RYR1: variants seen among roughly 807,000 people sequenced by gnomAD.
RYR1 encodes the protein central core disease of muscle.
In RYR1, 342 loss-of-function variants were observed where a neutral mutation model predicts 583.5. The observed-to-expected ratio is 0.59, with a 90% CI of 0.54 to 0.64. The LOEUF is 0.64. RYR1 is among the 30% of genes least tolerant of loss of function. The pLI is 0.00. For synonymous variants in RYR1, 2,791 were observed against 2,822.5 expected (o/e 0.99, Z 0.35); for missense variants, 6,032 against 6,917.2 (o/e 0.87, Z 4.54).
intron 83 of RYR1, chr19:38,536,991 T>C: frequency 6.6e-6 from 4 of 604,402 alleles, no homozygotes; most frequent in Non-Finnish European, 1.2e-5. Flanking sequence ...AACAAGTCTC[T>C]TACCTTCCCT....
At chr19:38,571,656 G>C (rs561753229) in intron 94 of RYR1, among the ~76,000 whole-genome samples, 2 of 152,262 alleles carry the variant, frequency 1.3e-5, no homozygotes, top group African/African-American at 4.8e-5. Context: ...AAAAAAAGAG[G>C]ATGAGTGTGT....
chr19:38,470,497 T>A (rs1968368275), intron 27 of RYR1, among the ~76,000 whole-genome samples: 1 of 150,276 alleles, frequency 6.7e-6, no homozygotes, highest in Non-Finnish European at 1.5e-5. Flanking sequence ...CCCAGCACTT[T>A]GGGAGGCCAA....
chr19:38,548,149 C>T (rs1486583853), intron 88 of RYR1, 84 bp from the exon 89 acceptor site: 1 of 1,479,482 alleles, frequency 6.8e-7, no homozygotes, highest in Non-Finnish European at 9.3e-7. Context: ...AGCGTGGTGG[C>T]TCCTGGGCTG....
chr19:38,552,715 T>C (rs1016376026), intron 89 of RYR1, among the ~76,000 whole-genome samples: 1 of 152,154 alleles, frequency 6.6e-6, no homozygotes, highest in African/African-American at 2.4e-5. Flanking sequence ...GTTAATCTGG[T>C]CTAATCGATA....
Position 38,517,457 on chromosome 19 carries a change from C to T in RYR1, c.9784C>T (p.Arg3262Cys), listed in dbSNP as rs557030813. The change falls in exon 66 of 106, where the codon CGC becomes TGC. Residue 3262 changes from arginine to cysteine, a missense_variant. This residue lies in a region of RYR1 where 1,493 missense variants were observed against 1,715.5 expected (regional missense o/e 0.87). Coordinates refer to ENST00000359596, the MANE Select transcript of RYR1 (RefSeq NM_000540.3). The part of the protein sequence containing the change: ...DIGGLAESGA[R>C]YTEMPHVIEI... ...TGGGGGGCTGGCCGAGTCAGGTGCC[C>T]GCTACACAGAGATGCCGCATGTCAT... is the stretch of plus-strand genomic sequence containing the variant. 3.7e-6 allele frequency: 6 copies of T among 1,614,050 alleles called. No individual in the cohort carries two copies. The highest frequency in any genetic ancestry group is 1.1e-5 in the South Asian group (1 of 91,086).
intron 99 of RYR1, among the ~76,000 whole-genome samples, chr19:38,579,623 A>T (rs1974110763): frequency 6.7e-6 from 1 of 150,372 alleles, no homozygotes; most frequent in Admixed American, 6.6e-5. Context: ...AGAGGAAGAG[A>T]TGATGGAGTC....
intron 7 of RYR1, among the ~76,000 whole-genome samples, chr19:38,445,515 G>A (rs1012559763): frequency 1.3e-5 from 2 of 152,122 alleles, no homozygotes; most frequent in Admixed American, 6.6e-5. Flanking sequence ...CCAGACCCAC[G>A]CTGGGACTCA....
rs1969124965 is a variant in RYR1, at chr19:38,483,551, GTGT to G, written c.4934+38_4934+40del. On this transcript the variant is annotated intron_variant, in intron 33 of 105. Transcript: ENST00000359596. This position sits in a 1 kb window ranked among gnomAD's most constrained non-coding sequence, Gnocchi z 6.3. ...AGCCCAGCTATGCAGGGGTGGGCAG[GTGT>G]TGCAAGCCCTCTGGGGTCTGGGTCC... is the stretch of plus-strand genomic sequence containing the variant. 1.3e-6 allele frequency: 2 copies of G among 1,524,080 alleles called. No individual in the cohort carries two copies. Among genetic ancestry groups the G allele is most frequent in the Middle Eastern group, 2.3e-4 (1 of 4,334 alleles). The allele number at this position is 1,524,080 out of a possible 1,614,324, so 94.4% of individuals were successfully genotyped here. A position where few individuals can be genotyped will look rare whatever the true frequency, so the allele number is the denominator to read the frequency against.
rs778384830 is a variant in RYR1, at chr19:38,512,165, C to T, written c.9233+33C>T. 2 of 1,613,664 alleles carry T rather than the reference C, an allele frequency of 1.2e-6. No individual in the cohort carries two copies. The highest frequency in any genetic ancestry group is 4.5e-5 in the East Asian group (2 of 44,800). ...CATAGGCAGTGGCGCCCACTCCCAC[C>T]ATCATCGGGCCCCCACCCCAACCCC... On this transcript the variant is annotated intron_variant, in intron 62 of 105. Coordinates refer to ENST00000359596, the MANE Select transcript of RYR1 (RefSeq NM_000540.3). This position sits in a 1 kb window ranked among gnomAD's most constrained non-coding sequence, Gnocchi z 5.1.
At chr19:38,493,712 GC>G (rs1969666601) in intron 38 of RYR1, among the ~76,000 whole-genome samples, 1 of 151,894 alleles carries the variant, frequency 6.6e-6, no homozygotes, top group African/African-American at 2.4e-5. Flanking sequence ...TAGAGACGGG[GC>G]TTCACCATGT....
At chr19:38,568,075 C>T (rs922189438) in intron 93 of RYR1, among the ~76,000 whole-genome samples, 158 bp downstream of exon 93, 1 of 152,190 alleles carries the variant, frequency 6.6e-6, no homozygotes, top group Non-Finnish European at 1.5e-5. Flanking sequence ...CCCAGACCTG[C>T]GGACAGGGTA....
At position 38,463,507 on chromosome 19, in the gene RYR1, C is replaced by G. The variant is rs141838633; in HGVS notation, c.2662C>G (p.Gln888Glu). Residue 888 changes from glutamine to glutamate, a missense_variant, in exon 21 of 106, where the codon CAG becomes GAG. By Grantham distance (29) the Gln-to-Glu change is conservative (BLOSUM62 2). This residue lies in a region of RYR1 where 2,627 missense variants were observed against 2,961.3 expected (regional missense o/e 0.89). Transcript: ENST00000359596. ...GCTCTGGGCGCTAACCCGCATCGAGCAGGGCTGGACCTACGGCCCGGTGAG... is the reference window on the plus strand; with the variant it reads ...GCTCTGGGCGCTAACCCGCATCGAGGAGGGCTGGACCTACGGCCCGGTGAG... ...HELWALTRIEQGWTYGPVRDD... is the reference protein window; with the variant it reads ...HELWALTRIEEGWTYGPVRDD... 1 of 1,612,904 alleles carries G rather than the reference C, an allele frequency of 6.2e-7. No homozygotes were observed. Among genetic ancestry groups the G allele is most frequent in the Admixed American group, 1.7e-5 (1 of 60,026 alleles).
Position 38,506,304 on chromosome 19 carries a change from C to T in RYR1, c.8543C>T (p.Thr2848Ile). The change falls in exon 55 of 106, where the codon ACC (threonine) becomes ATC (isoleucine). Residue 2848 changes from threonine (T) to isoleucine (I), a missense_variant and splice_region_variant. Thr to Ile is a moderately conservative substitution (Grantham distance 89). This residue lies in a region of RYR1 where 1,493 missense variants were observed against 1,715.5 expected (regional missense o/e 0.87). Coordinates refer to ENST00000359596, the MANE Select transcript of RYR1 (RefSeq NM_000540.3). ...CCCATCTTCCCCTTGTCCTCTCAGA[C>T]CTATGATCCTCGAGAAGGCTACAAC... ...KTRKISQSAQTYDPREGYNPQ... is the reference protein window; with the variant it reads ...KTRKISQSAQIYDPREGYNPQ... 1 of 1,613,996 alleles carries T rather than the reference C, an allele frequency of 6.2e-7. No individual in the cohort carries two copies. Among genetic ancestry groups the T allele is most frequent in the South Asian group, 1.1e-5 (1 of 91,066 alleles).
At chr19:38,461,721 GAAAAAA>G (rs34209906) in intron 20 of RYR1, among the ~76,000 whole-genome samples, 4 of 75,108 alleles carry the variant, frequency 5.3e-5, no homozygotes, top group Admixed American at 1.9e-4. Context: ...GCAAAACCCT[GAAAAAA>G]AAAAAAAAAA....
At chr19:38,551,734 C>A (rs1194803462) in intron 89 of RYR1, among the ~76,000 whole-genome samples, 2 of 152,078 alleles carry the variant, frequency 1.3e-5, no homozygotes, top group Non-Finnish European at 2.9e-5. Flanking sequence ...CCTCCCCAAC[C>A]CTGAGGGGCA....
rs1330126443 is a variant in RYR1, at chr19:38,515,192, AG to A, written c.9554+86del. The A allele has an allele frequency of 7.8e-6, 8 of 1,022,516 alleles. No homozygotes were observed. The African/African-American group carries it at 1.3e-4, about 16-fold the overall frequency. 63.3% of individuals were successfully genotyped at this position (1,022,516 alleles called of 1,614,324 possible). A position where few individuals can be genotyped will look rare whatever the true frequency, so the allele number is the denominator to read the frequency against. ...GGGGAAGAAGATGGGGTGGGTGAAA[AG>A]CAGGGTAGATGTTAAGAATTTTCCC... On this transcript the variant is annotated intron_variant, in intron 64 of 105. Coordinates refer to ENST00000359596, the MANE Select transcript of RYR1 (RefSeq NM_000540.3).
chr19:38,489,158 C>G lies in RYR1; in HGVS notation c.5548-19C>G, dbSNP rs375020048. ...AGGCCTTGCAGGCCACAGTGAAGAA[C>G]CGAGACTTTGTCCTGTAGGTGATGG... On this transcript the variant is annotated intron_variant, in intron 34 of 105. Transcript: ENST00000359596. 1.9e-5 allele frequency: 31 copies of G among 1,613,670 alleles called. No individual in the cohort carries two copies. In the African/African-American group the frequency reaches 3.7e-4, roughly 19 times the overall value.
rs917259037 is a variant in RYR1 at position 38,506,936 on chromosome 19, G to C, written c.8800G>C (p.Gly2934Arg). The change falls in exon 57 of 106, where the codon GGC becomes CGC. Residue 2934 changes from glycine (G) to arginine (R), a missense_variant. Transcript: ENST00000359596. ...QELLKFLQMN[G>R]YAVTRGLKDM... is the part of the protein sequence containing the mutation. ...GCTACTGAAATTCCTGCAGATGAAT[G>C]GCTACGCGGTTACAAGGCACGCGGG... 1 of 1,612,818 alleles carries C rather than the reference G, an allele frequency of 6.2e-7. No individual in the cohort carries two copies. The highest frequency in any genetic ancestry group is 1.3e-5 in the African/African-American group (1 of 75,008).
intron 33 of RYR1, among the ~76,000 whole-genome samples, chr19:38,484,402 CCCTT>C (rs528748067): frequency 1.5e-4 from 23 of 151,242 alleles, no homozygotes; most frequent in Middle Eastern, 6.9e-3. Context: ...CTCTCTCCTT[CCCTT>C]CCTTCCTTCC....
Sources: gnomAD v4.1 joint callset for allele counts (sites outside exome capture counted in the v4.1 genomes callset) on GRCh38, gnomAD v4.1.1 for gene constraint, gnomAD v4.1.1 regional missense constraint, Gnocchi (gnomAD v3.1) non-coding constraint, MANE v1.5 for transcripts, NCBI Gene and HGNC (gene_info 2026-07-23, HGNC 2026-07-21) for gene names.